Variants in DGKH observed in about 807,000 individuals in gnomAD.
DGKH encodes DAG kinase eta.
DGKH carries 90 observed loss-of-function variants against 159.3 expected under a neutral mutation model. The observed-to-expected ratio is 0.57, with a 90% CI of 0.48 to 0.67. DGKH has a LOEUF of 0.67. Ranked by LOEUF, DGKH falls within the 30% of genes least tolerant of loss-of-function variation. The pLI is 0.00. For missense variants in DGKH, 1,181 were observed against 1,506.1 expected (o/e 0.78, Z 3.57); for synonymous variants, 536 against 553.8 (o/e 0.97, Z 0.45).
At chr13:42,124,625 A>G (rs987448367) in intron 1 of DGKH, among the ~76,000 whole-genome samples, 1 of 152,188 alleles carries the variant, frequency 6.6e-6, no homozygotes, top group Non-Finnish European at 1.5e-5. Flanking sequence ...CTGTGTTTAC[A>G]TGGGTCCTGA....
At chr13:42,158,951 C>A (rs559201928) in intron 5 of DGKH, among the ~76,000 whole-genome samples, 84 of 151,914 alleles carry the variant, frequency 5.5e-4, no homozygotes, top group Non-Finnish European at 1.1e-3. Context: ...TTATTTGCTT[C>A]CCTCTCTCCC....
chr13:42,041,335 C>T (rs1880490707), intron 1 of DGKH, among the ~76,000 whole-genome samples: 1 of 152,082 alleles, frequency 6.6e-6, no homozygotes, highest in Non-Finnish European at 1.5e-5. Context: ...CACCTGGGCG[C>T]GCAGGTTCCC....
intron 1 of DGKH, among the ~76,000 whole-genome samples, chr13:42,095,959 T>C (rs1210424551): frequency 6.6e-6 from 1 of 152,244 alleles, no homozygotes; most frequent in East Asian, 1.9e-4. Flanking sequence ...TGTTTCTATG[T>C]CATTGCTTGT....
In DGKH at chr13:42,198,546, A is replaced by C; in HGVS notation, c.2236A>C (p.Ile746Leu). 1 of 1,613,792 alleles carries C rather than the reference A, an allele frequency of 6.2e-7. No homozygotes were observed. The highest frequency in any genetic ancestry group is 8.5e-7 in the Non-Finnish European group (1 of 1,179,848). Reference sequence around the variant, plus strand: ...TATCAACAAAATGTTACTGGCAAACATTGATCCTTTTGGTGCCACGCCGTT... The same window carrying C: ...TATCAACAAAATGTTACTGGCAAACCTTGATCCTTTTGGTGCCACGCCGTT... Reference protein sequence around the residue: ...SIINKMLLANIDPFGATPFID... With the variant: ...SIINKMLLANLDPFGATPFID... The change falls in exon 18 of 30, where the codon ATT (isoleucine) becomes CTT (leucine). Residue 746 changes from isoleucine to leucine, a missense_variant. Coordinates refer to ENST00000337343, the MANE Select transcript of DGKH (RefSeq NM_178009.5).
Position 42,150,842 on chromosome 13 carries a change from G to A in DGKH, c.385-4449G>A, listed in dbSNP as rs567810874. Among the ~76,000 whole-genome samples, 8 of 152,096 alleles carry A rather than the reference G, an allele frequency of 5.3e-5. 1 individual carries two copies. The highest frequency in any genetic ancestry group is 4.2e-4 in the South Asian group (2 of 4,810). On this transcript the variant is annotated intron_variant, in intron 3 of 29. Transcript: ENST00000337343. ...CTGGAACTTACAGAATGAGTGGCAC[G>A]TTACCTGGCAAAAGAAACTTTGTAA... is the stretch of plus-strand genomic sequence containing the variant.
downstream of DGKH, among the ~76,000 whole-genome samples, chr13:42,247,419 C>T (rs886237437): frequency 2.6e-5 from 4 of 151,700 alleles, no homozygotes; most frequent in South Asian, 2.1e-4. Flanking sequence ...TTAGTAGAGA[C>T]GGGGTTTCAC....
chr13:42,073,965 G>A (rs1468023858), intron 1 of DGKH, among the ~76,000 whole-genome samples: 4 of 152,148 alleles, frequency 2.6e-5, no homozygotes, highest in East Asian at 1.9e-4. Context: ...GCTATGAAGC[G>A]TCCACTGAAT....
intron 29 of DGKH, among the ~76,000 whole-genome samples, chr13:42,249,618 C>T (rs932803651): frequency 3.9e-5 from 6 of 152,068 alleles, no homozygotes; most frequent in East Asian, 1.9e-4. Flanking sequence ...CAGCCACAAA[C>T]GATATGTAAA....
At chr13:42,064,781 A>G (rs1036750758) in intron 1 of DGKH, among the ~76,000 whole-genome samples, 14 of 152,214 alleles carry the variant, frequency 9.2e-5, no homozygotes, top group African/African-American at 2.2e-4. Flanking sequence ...TAGCTCATGT[A>G]TGCACAGCTG....
At position 42,146,073 on chromosome 13, in the gene DGKH, G is replaced by A. The variant is rs568405491; in HGVS notation, c.385-9218G>A. On this transcript the variant is annotated intron_variant, in intron 3 of 29. Coordinates refer to ENST00000337343, the MANE Select transcript of DGKH (RefSeq NM_178009.5). Reference sequence around the variant, plus strand: ...CTGCCCCATTTGTTAGAACCATAATGTGAGAAAAGCTGTCAGTACAAAGCA... The same window carrying A: ...CTGCCCCATTTGTTAGAACCATAATATGAGAAAAGCTGTCAGTACAAAGCA... 2.6e-5 allele frequency among the ~76,000 whole-genome samples: 4 copies of A among 151,126 alleles called. No individual in the cohort carries two copies. The South Asian group carries it at 8.4e-4, about 32-fold the overall frequency.
At chr13:42,200,983 T>TTTTATTTC (rs1957333838) in intron 20 of DGKH, among the ~76,000 whole-genome samples, 1 of 150,962 alleles carries the variant, frequency 6.6e-6, no homozygotes. Context: ...GCCACATTCT[T>TTTTATTTC]TTTATTTATT....
intron 3 of DGKH, among the ~76,000 whole-genome samples, chr13:42,150,422 G>A (rs1218002358): frequency 6.6e-6 from 1 of 152,148 alleles, no homozygotes; most frequent in African/African-American, 2.4e-5. Flanking sequence ...TTCTGCCTGC[G>A]TGACTTACCA....
chr13:42,041,023 C>T, intron 1 of DGKH, among the ~76,000 whole-genome samples: 1 of 151,570 alleles, frequency 6.6e-6, no homozygotes. Context: ...CAGGAAATGG[C>T]CCGGGATGAG....
At position 42,169,311 on chromosome 13, in the gene DGKH, G is replaced by A. The variant is rs371899932; in HGVS notation, c.1367+493G>A. Among the ~76,000 whole-genome samples the A allele has an allele frequency of 2.3e-4, 35 of 152,198 alleles. 1 individual carries two copies. The highest frequency in any genetic ancestry group is 1.2e-3 in the East Asian group (6 of 5,186). ...AAGAACTAGATATGTTAAAATATAA[G>A]CAGTCCTTTCCCAGGGGCAGGAAAA... On this transcript the variant is annotated intron_variant, in intron 11 of 29. Coordinates refer to ENST00000337343, the MANE Select transcript of DGKH (RefSeq NM_178009.5).
intron 14 of DGKH, among the ~76,000 whole-genome samples, 173 bp downstream of exon 14, chr13:42,187,321 C>T (rs12876247): frequency 0.12 from 18,149 of 152,098 alleles, 1,542 homozygotes; most frequent in East Asian, 0.4. Flanking sequence ...TTTATTGTTA[C>T]CCTTTAATAT....
At chr13:42,141,123 A>G (rs529180926) in intron 3 of DGKH, among the ~76,000 whole-genome samples, 31 of 145,358 alleles carry the variant, frequency 2.1e-4, no homozygotes, top group East Asian at 1.8e-3. Flanking sequence ...TCATTCTTCA[A>G]TTCCCACCTA....
At chr13:42,108,576 G>A (rs2137794777) in intron 1 of DGKH, among the ~76,000 whole-genome samples, 1 of 152,336 alleles carries the variant, frequency 6.6e-6, no homozygotes, top group East Asian at 1.9e-4. Flanking sequence ...ACTAAGACAT[G>A]TGTTACGTGA....
chr13:42,070,192 C>T, intron 1 of DGKH: 2 of 967,992 alleles, frequency 2.1e-6, no homozygotes, highest in Non-Finnish European at 3.4e-6. Flanking sequence ...ATCCATGGGG[C>T]TAAATGTCAA....
Position 42,160,046 on chromosome 13 carries a change from G to T in DGKH, c.765G>T (p.Leu255=), listed in dbSNP as rs1051271492. ...CTCACCAGTGGCTTGAGGGCAACCTGCCTGTAAGTGCCAAGTGTGCTGTCT... is the reference window on the plus strand; with the variant it reads ...CTCACCAGTGGCTTGAGGGCAACCTTCCTGTAAGTGCCAAGTGTGCTGTCT... ...AMPHQWLEGN[L]PVSAKCAVCD... The change falls in exon 7 of 30, where the codon CTG becomes CTT. Residue 255 remains leucine, a synonymous_variant. Transcript: ENST00000337343. 7 of 1,614,086 alleles carry T rather than the reference G, an allele frequency of 4.3e-6. No homozygotes were observed. The highest frequency in any genetic ancestry group is 5.9e-6 in the Non-Finnish European group (7 of 1,180,046).
Sources: allele counts gnomAD v4.1 joint callset (sites outside exome capture counted in the v4.1 genomes callset), GRCh38; gene constraint gnomAD v4.1.1; transcripts MANE v1.5; gene names NCBI Gene and HGNC (gene_info 2026-07-23, HGNC 2026-07-21).